Variants in GAB1 observed in about 807,000 individuals in gnomAD.
The protein encoded by GAB1 is GRB2 associated binding protein 1.
In GAB1, 19 loss-of-function variants were observed where a neutral mutation model predicts 66.5. That is an observed-to-expected ratio of 0.29 (90% confidence interval 0.20 to 0.42). The LOEUF (loss-of-function observed/expected upper bound fraction) is 0.42, where lower values mean the gene tolerates loss of function less well. Among genes scored for constraint, GAB1 ranks in the 10% least tolerant of loss-of-function variants. The probability of loss-of-function intolerance (pLI) is 1.00; values close to 1 mark genes in which losing one functional copy is unlikely to be tolerated. For synonymous variants in GAB1, 294 were observed against 301.4 expected (o/e 0.98, Z 0.25); for missense variants, 732 against 858.5 (o/e 0.85, Z 1.84).
intron 1 of GAB1, among the ~76,000 whole-genome samples, chr4:143,354,837 A>T (rs1177222960): frequency 6.6e-6 from 1 of 152,210 alleles, no homozygotes; most frequent in Non-Finnish European, 1.5e-5. Flanking sequence ...ATACTCTTTT[A>T]TAGTAGCTTT....
chr4:143,368,127 A>G (rs1398686399), intron 1 of GAB1, among the ~76,000 whole-genome samples: 1 of 152,004 alleles, frequency 6.6e-6, no homozygotes, highest in African/African-American at 2.4e-5. Context: ...AGTCACATCC[A>G]CAGGCCTTTG....
chr4:143,366,808 A>C (rs1472435479), intron 1 of GAB1, among the ~76,000 whole-genome samples: 2 of 152,126 alleles, frequency 1.3e-5, no homozygotes, highest in African/African-American at 4.8e-5. Context: ...ATTTGAAAAA[A>C]TTGATTTTCA....
At chr4:143,459,361 C>G in intron 6 of GAB1, 24 bp from the exon 7 acceptor site, 4 of 1,391,956 alleles carry the variant, frequency 2.9e-6, no homozygotes, top group Non-Finnish European at 3.1e-6. Context: ...TACTAAAAAT[C>G]TCTTTTTCTC....
chr4:143,464,209 C>G (rs546232172), intron 8 of GAB1, among the ~76,000 whole-genome samples: 1 of 152,050 alleles, frequency 6.6e-6, no homozygotes, highest in East Asian at 1.9e-4. Flanking sequence ...TTTTTGTGCT[C>G]TACATGTTAT....
chr4:143,433,980 C>A, intron 3 of GAB1: 1 of 673,648 alleles, frequency 1.5e-6, no homozygotes, highest in Non-Finnish European at 2.3e-6. Context: ...GGAAATCTGT[C>A]TCCTATTTTG....
chr4:143,417,736 ACTT>A lies in GAB1; in HGVS notation c.367+1971_367+1973del, dbSNP rs375514424. Among the ~76,000 whole-genome samples the A allele has an allele frequency of 1.3e-4, 20 of 152,210 alleles. No homozygotes were observed. The South Asian group carries it at 1.5e-3, about 11-fold the overall frequency. On this transcript the variant is annotated intron_variant, in intron 2 of 9. Coordinates refer to ENST00000262994, the MANE Select transcript of GAB1 (RefSeq NM_002039.4). ...GGCACTTTTTAATAGCTGGCTGACC[ACTT>A]CTTCTCTCTGCTCTTCCTTTTTAAA...
In GAB1 at chr4:143,461,972, T is replaced by G. The variant is rs545831648; in HGVS notation, c.1803+1485T>G. Among the ~76,000 whole-genome samples the G allele has an allele frequency of 5.3e-5, 8 of 152,208 alleles. No individual in the cohort carries two copies. In the East Asian group the frequency reaches 1.5e-3, roughly 29 times the overall value. On this transcript the variant is annotated intron_variant, in intron 8 of 9. Coordinates refer to ENST00000262994, the MANE Select transcript of GAB1 (RefSeq NM_002039.4). The stretch of plus-strand genomic sequence containing the variant: ...ATTAACTTTAAAATATTACCAAATT[T>G]AGCCAGGCACAGTGGCATGTGCCTG...
chr4:143,395,762 C>A, intron 1 of GAB1: 1 of 379,754 alleles, frequency 2.6e-6, no homozygotes, highest in Non-Finnish European at 5.2e-6. Flanking sequence ...CTGTTATTAG[C>A]CATTATGCTG....
chr4:143,410,284 A>G (rs2149711203), intron 1 of GAB1, among the ~76,000 whole-genome samples: 1 of 152,342 alleles, frequency 6.6e-6, no homozygotes, highest in Non-Finnish European at 1.5e-5. Flanking sequence ...CTCACAAAAC[A>G]GGGTGTACAG....
Position 143,387,293 on chromosome 4 carries a change from G to A in GAB1, c.73-28184G>A, listed in dbSNP as rs185369313. Among the ~76,000 whole-genome samples, 1,166 of 152,200 alleles carry A rather than the reference G, an allele frequency of 7.7e-3. 9 individuals are homozygous for A. The highest frequency in any genetic ancestry group is 1.0e-2 in the Non-Finnish European group (680 of 68,004). ...ATTACAGGCATGCGCCACCACGCCCGGCTAATTTTGTATTTTTAATAGAGA... is the reference window on the plus strand; with the variant it reads ...ATTACAGGCATGCGCCACCACGCCCAGCTAATTTTGTATTTTTAATAGAGA... On this transcript the variant is annotated intron_variant, in intron 1 of 9. Coordinates refer to ENST00000262994, the MANE Select transcript of GAB1 (RefSeq NM_002039.4).
chr4:143,339,002 A>G (rs890179498), intron 1 of GAB1, among the ~76,000 whole-genome samples: 4 of 152,240 alleles, frequency 2.6e-5, no homozygotes, highest in Non-Finnish European at 4.4e-5. Context: ...TTAGAATTCA[A>G]TTGAACTATT....
intron 1 of GAB1, among the ~76,000 whole-genome samples, chr4:143,378,477 C>T (rs1730508100): frequency 6.6e-6 from 1 of 152,126 alleles, no homozygotes; most frequent in Admixed American, 6.5e-5. Context: ...TTTTTCTTGA[C>T]ACTCATATAT....
chr4:143,362,558 C>A (rs1269004843), intron 1 of GAB1, among the ~76,000 whole-genome samples: 1 of 152,160 alleles, frequency 6.6e-6, no homozygotes, highest in Non-Finnish European at 1.5e-5. Flanking sequence ...GACAGTTTCT[C>A]CCCCTTTTAA....
chr4:143,339,256 C>T (rs1728752771), intron 1 of GAB1, among the ~76,000 whole-genome samples: 1 of 152,252 alleles, frequency 6.6e-6, no homozygotes, highest in Non-Finnish European at 1.5e-5. Flanking sequence ...CAGGCTCACA[C>T]CTGTAATCCC....
At chr4:143,385,289 A>G (rs1199574025) in intron 1 of GAB1, among the ~76,000 whole-genome samples, 1 of 152,200 alleles carries the variant, frequency 6.6e-6, no homozygotes, top group Non-Finnish European at 1.5e-5. Context: ...GTGCCAAGTC[A>G]TCTGACCTCC....
chr4:143,337,566 C>T (rs1468383045), intron 1 of GAB1, among the ~76,000 whole-genome samples: 4 of 152,100 alleles, frequency 2.6e-5, no homozygotes, highest in Non-Finnish European at 5.9e-5. Context: ...TTTTTTCTTC[C>T]TTAGGAAGGA....
At chr4:143,354,029 A>G (rs187181023) in intron 1 of GAB1, among the ~76,000 whole-genome samples, 1 of 152,312 alleles carries the variant, frequency 6.6e-6, no homozygotes, top group African/African-American at 2.4e-5. Context: ...TTTAGTTAGT[A>G]GATCACTTTG....
intron 8 of GAB1, among the ~76,000 whole-genome samples, chr4:143,464,261 C>A (rs1198172457): frequency 6.6e-6 from 1 of 151,806 alleles, no homozygotes; most frequent in Non-Finnish European, 1.5e-5. Context: ...ACAGAGTTTC[C>A]CTCTGTTGCC....
chr4:143,349,196 T>C, intron 1 of GAB1: 1 of 500,592 alleles, frequency 2.0e-6, no homozygotes, highest in Non-Finnish European at 3.4e-6. Context: ...TAACCTGGAG[T>C]AGTTATATAT....
Sources: allele counts gnomAD v4.1 joint callset (sites outside exome capture counted in the v4.1 genomes callset), GRCh38; gene constraint gnomAD v4.1.1; transcripts MANE v1.5; gene names NCBI Gene and HGNC (gene_info 2026-07-23, HGNC 2026-07-21).